The following TTBK2 variants were observed in gnomAD, a reference collection of about 807,000 sequenced individuals.
The protein encoded by TTBK2 is tau tubulin kinase 2, also known as tau-tubulin kinase 2.
In TTBK2, 28 loss-of-function variants were observed where a neutral mutation model predicts 110.8. The ratio of observed to expected loss-of-function variants is 0.25; its 90% CI spans 0.19 to 0.35. TTBK2 has a LOEUF of 0.35. Ranked by LOEUF, TTBK2 falls within the 10% of genes least tolerant of loss-of-function variation. The probability of loss-of-function intolerance (pLI) is 1.00; values close to 1 mark genes in which losing one functional copy is unlikely to be tolerated. For missense variants in TTBK2, 1,369 were observed against 1,500.3 expected, an observed-to-expected ratio of 0.91 and a Z score of 1.45; for synonymous variants, 532 against 527.3, an observed-to-expected ratio of 1.01 and a Z score of -0.12.
intron 1 of TTBK2, among the ~76,000 whole-genome samples, chr15:42,915,909 T>A (rs747255595): frequency 7.3e-5 from 11 of 151,500 alleles, no homozygotes; most frequent in Non-Finnish European, 1.0e-4. Flanking sequence ...ATCATGGCAC[T>A]CCAGCCTGGG....
intron 2 of TTBK2, among the ~76,000 whole-genome samples, chr15:42,877,032 C>T (rs1162199259): frequency 6.6e-6 from 1 of 152,102 alleles, no homozygotes; most frequent in Non-Finnish European, 1.5e-5. Flanking sequence ...GTTTTGAAAA[C>T]TGGTAAATTA....
Position 42,745,563 on chromosome 15 carries a change from T to G in TTBK2, c.*232A>C. 16 of 557,384 alleles carry G rather than the reference T, an allele frequency of 2.9e-5. No homozygotes were observed. Among genetic ancestry groups the G allele is most frequent in the Non-Finnish European group, 4.1e-5 (13 of 314,876 alleles). The allele number at this position is 557,384 out of a possible 1,614,324, so 34.5% of individuals were successfully genotyped here. On this transcript the variant is annotated 3_prime_UTR_variant, in exon 15 of 15. Coordinates refer to ENST00000267890, the MANE Select transcript of TTBK2 (RefSeq NM_173500.4). Reference sequence around the variant, plus strand: ...TTTTAATGAGTTTCTCCCCCTTGGATTTTTGCTCTATTTTTCCTTCTTGTA... The same window carrying G: ...TTTTAATGAGTTTCTCCCCCTTGGAGTTTTGCTCTATTTTTCCTTCTTGTA...
At chr15:42,810,785 G>T (rs1435256163) in intron 8 of TTBK2, 46 bp from the exon 9 acceptor site, 1 of 1,609,932 alleles carries the variant, frequency 6.2e-7, no homozygotes, top group African/African-American at 1.3e-5. Flanking sequence ...TCTCTTGGTG[G>T]TTAGGCATTA....
chr15:42,783,532 C>G lies in TTBK2; in HGVS notation c.1084G>C (p.Gly362Arg). The G allele has an allele frequency of 6.2e-7, 1 of 1,614,042 alleles. No individual in the cohort carries two copies. Among genetic ancestry groups the G allele is most frequent in the South Asian group, 1.1e-5 (1 of 91,078 alleles). ...LSDGENGIPVGVSPDKLPGSL... is the reference protein window; with the variant it reads ...LSDGENGIPVRVSPDKLPGSL... ...CCAGGCAATTTATCTGGTGACACAC[C>G]AACAGGGATGCCATTTTCTCCATCG... Residue 362 changes from glycine (G) to arginine (R), a missense_variant, in exon 11 of 15, where the codon GGT becomes CGT. By Grantham distance (125) the Gly-to-Arg change is moderately radical. Transcript: ENST00000267890.
chr15:42,912,796 A>T (rs1005077665), intron 1 of TTBK2, among the ~76,000 whole-genome samples: 1 of 152,128 alleles, frequency 6.6e-6, no homozygotes, highest in Non-Finnish European at 1.5e-5. Context: ...CAAAGAGTAC[A>T]CACCAGCTAA....
In TTBK2 at chr15:42,752,255, A is replaced by C; in HGVS notation, c.2991T>G (p.Ser997Arg). 1 of 1,614,196 alleles carries C rather than the reference A, an allele frequency of 6.2e-7. No individual in the cohort carries two copies. The highest frequency in any genetic ancestry group is 8.5e-7 in the Non-Finnish European group (1 of 1,180,016). Residue 997 changes from serine to arginine, a missense_variant, in exon 14 of 15, where the codon AGT (serine) becomes AGG (arginine). Physicochemically the swap from Ser to Arg is moderately radical, Grantham distance 110. Around this residue, in one of 4 missense-constraint regions of TTBK2, gnomAD observed 1,097 missense variants for 1,114.7 expected, o/e 0.98. Coordinates refer to ENST00000267890, the MANE Select transcript of TTBK2 (RefSeq NM_173500.4). ...QFKSFLGDLS[S>R]ASDKLLEEKL... is the part of the protein sequence containing the mutation. ...TCTCCTCTAGCAATTTATCAGAGGC[A>C]CTTGAGAGGTCGCCAAGGAAGGACT...
intron 6 of TTBK2, among the ~76,000 whole-genome samples, chr15:42,823,645 A>G (rs1892404462): frequency 6.6e-6 from 1 of 152,218 alleles, no homozygotes; most frequent in Admixed American, 6.5e-5. Flanking sequence ...GTACTGCTAC[A>G]AAACAAGCTT....
At chr15:42,764,559 C>T (rs1197307732) in intron 13 of TTBK2, among the ~76,000 whole-genome samples, 3 of 152,214 alleles carry the variant, frequency 2.0e-5, no homozygotes, top group African/African-American at 4.8e-5. Flanking sequence ...GGGGGAGGGG[C>T]GTCTGCCATT....
intron 3 of TTBK2, chr15:42,871,535 C>T (rs1894614427): frequency 1.0e-6 from 1 of 985,262 alleles, no homozygotes; most frequent in African/African-American, 1.7e-5. Context: ...ATGGGCTTGG[C>T]TGATAGTAAA....
At chr15:42,846,688 G>C (rs1893481290) in intron 3 of TTBK2, among the ~76,000 whole-genome samples, 1 of 152,182 alleles carries the variant, frequency 6.6e-6, no homozygotes, top group Non-Finnish European at 1.5e-5. Flanking sequence ...GATAACACCT[G>C]AGTTTATGTT....
intron 13 of TTBK2, among the ~76,000 whole-genome samples, chr15:42,768,973 T>C (rs2140717444): frequency 6.6e-6 from 1 of 152,306 alleles, no homozygotes; most frequent in South Asian, 2.1e-4. Flanking sequence ...TACAACCATC[T>C]GATCTTTGAC....
intron 10 of TTBK2, among the ~76,000 whole-genome samples, chr15:42,788,481 G>A (rs1266111259): frequency 6.6e-6 from 1 of 152,116 alleles, no homozygotes; most frequent in Non-Finnish European, 1.5e-5. Flanking sequence ...TAAACTGAGG[G>A]TGGTACATTA....
intron 3 of TTBK2, among the ~76,000 whole-genome samples, chr15:42,841,323 C>T (rs1049145151): frequency 2.0e-5 from 3 of 152,204 alleles, no homozygotes; most frequent in African/African-American, 4.8e-5. Flanking sequence ...GATCCTCCCA[C>T]CTCAGCCTCC....
intron 11 of TTBK2, among the ~76,000 whole-genome samples, chr15:42,780,536 T>C (rs1890139113): frequency 1.3e-5 from 2 of 151,678 alleles, no homozygotes; most frequent in African/African-American, 4.9e-5. Context: ...AGAACAGAAT[T>C]AGAATGTTTA....
intron 9 of TTBK2, chr15:42,800,392 T>G (rs898226565): frequency 2.7e-6 from 1 of 365,722 alleles, no homozygotes; most frequent in Admixed American, 4.1e-5. Context: ...GAAGCACTCC[T>G]CTCATCCTTA....
intron 6 of TTBK2, 146 bp from the exon 7 acceptor site, chr15:42,817,243 T>C (rs1892078740): frequency 4.5e-6 from 2 of 446,326 alleles, no homozygotes; most frequent in Non-Finnish European, 7.6e-6. Flanking sequence ...ACTATGAAAT[T>C]ACAAGAAACT....
chr15:42,816,154 T>C (rs564674456), intron 7 of TTBK2, among the ~76,000 whole-genome samples: 91 of 138,218 alleles, frequency 6.6e-4, no homozygotes, highest in African/African-American at 2.4e-3. Flanking sequence ...TCTTGCTCTG[T>C]TGCCCAGGCT....
chr15:42,832,166 T>C (rs531838003), intron 4 of TTBK2, among the ~76,000 whole-genome samples: 72 of 152,322 alleles, frequency 4.7e-4, no homozygotes, highest in South Asian at 8.3e-4. Flanking sequence ...TCTACAGCAG[T>C]GAACTGTATA....
intron 1 of TTBK2, among the ~76,000 whole-genome samples, chr15:42,913,414 C>A (rs868103855): frequency 6.6e-6 from 1 of 151,814 alleles, no homozygotes; most frequent in Non-Finnish European, 1.5e-5. Context: ...CCGAGGCGGG[C>A]GGATCACGGG....
Sources: allele counts gnomAD v4.1 joint callset (sites outside exome capture counted in the v4.1 genomes callset), GRCh38; gene constraint gnomAD v4.1.1; regional missense constraint gnomAD v4.1.1; transcripts MANE v1.5; gene names NCBI Gene and HGNC (gene_info 2026-07-23, HGNC 2026-07-21).